Variants in PCLO observed in about 807,000 individuals in gnomAD.
PCLO encodes protein piccolo.
In PCLO, 82 loss-of-function variants were observed where a neutral mutation model predicts 427.5. The ratio of observed to expected loss-of-function variants is 0.19; its 90% CI spans 0.16 to 0.23. The LOEUF (loss-of-function observed/expected upper bound fraction) is 0.23. Ranked by LOEUF, PCLO falls within the 10% of genes least tolerant of loss-of-function variation. PCLO has a pLI of 1.00. For synonymous variants in PCLO, 2,357 were observed against 2,155.4 expected (o/e 1.09, Z -2.59); for missense variants, 6,239 against 6,115.9 (o/e 1.02, Z -0.67).
intron 3 of PCLO, among the ~76,000 whole-genome samples, chr7:83,051,768 A>G (rs753709141): frequency 6.6e-6 from 1 of 152,154 alleles, no homozygotes; most frequent in Non-Finnish European, 1.5e-5. Flanking sequence ...GAAGAAGAAG[A>G]AAGTTGAAGG....
At position 82,950,708 on chromosome 7, in the gene PCLO, C is replaced by G; in HGVS notation, c.9880G>C (p.Glu3294Gln). 1 of 1,613,832 alleles carries G rather than the reference C, an allele frequency of 6.2e-7. No homozygotes were observed. The highest frequency in any genetic ancestry group is 8.5e-7 in the Non-Finnish European group (1 of 1,179,844). ...TGTTGTTGCAGCTGTTGGATCTGCTCAAGCTGTAACTGTTGCTGAGCTAAC... is the reference window on the plus strand; with the variant it reads ...TGTTGTTGCAGCTGTTGGATCTGCTGAAGCTGTAACTGTTGCTGAGCTAAC... ...ETLAQQQLQL[E>Q]QIQQLQQQLH... The change falls in exon 6 of 25, where the codon GAG becomes CAG. Residue 3294 changes from glutamate (E) to glutamine (Q), a missense_variant. Physicochemically the swap from Glu to Gln is conservative, Grantham distance 29. Around this residue, in one of 5 missense-constraint regions of PCLO, gnomAD observed 4,677 missense variants for 4,468.4 expected, o/e 1.05. Transcript: ENST00000333891.
chr7:83,125,767 T>C (rs1167333004), intron 3 of PCLO, among the ~76,000 whole-genome samples: 13 of 152,152 alleles, frequency 8.5e-5, no homozygotes, highest in African/African-American at 3.1e-4. Flanking sequence ...CAGGGTCCTC[T>C]GCCTAGGAAA....
At chr7:82,793,277 G>T (rs1393587865) in intron 22 of PCLO, among the ~76,000 whole-genome samples, 3 of 152,112 alleles carry the variant, frequency 2.0e-5, no homozygotes. Flanking sequence ...CCCTGGCTTT[G>T]ACCTTCCCAC....
At chr7:82,890,304 T>C (rs1240753993) in intron 9 of PCLO, among the ~76,000 whole-genome samples, 2 of 152,032 alleles carry the variant, frequency 1.3e-5, no homozygotes, top group African/African-American at 4.8e-5. Flanking sequence ...TACACGTAAA[T>C]ATATGTACAC....
chr7:82,836,270 C>T (rs1167778684), intron 15 of PCLO, among the ~76,000 whole-genome samples: 1 of 152,130 alleles, frequency 6.6e-6, no homozygotes, highest in African/African-American at 2.4e-5. Flanking sequence ...GCTTTATTTT[C>T]ATTCTTTCAT....
At chr7:82,778,299 A>G (rs967545705) in intron 22 of PCLO, among the ~76,000 whole-genome samples, 2 of 152,100 alleles carry the variant, frequency 1.3e-5, no homozygotes, top group Non-Finnish European at 2.9e-5. Context: ...AAAAGAGAAC[A>G]CTTGTATGCT....
At chr7:83,024,516 G>T (rs1220998124) in intron 3 of PCLO, among the ~76,000 whole-genome samples, 1 of 152,178 alleles carries the variant, frequency 6.6e-6, no homozygotes, top group Non-Finnish European at 1.5e-5. Flanking sequence ...CAATGCAGCA[G>T]CCAGGCTGGG....
chr7:83,038,314 T>C (rs1225414077), intron 3 of PCLO, among the ~76,000 whole-genome samples: 1 of 150,774 alleles, frequency 6.6e-6, no homozygotes, highest in Admixed American at 6.7e-5. Flanking sequence ...CTGTCAACTT[T>C]AGAATTATTT....
At chr7:82,788,600 A>C (rs1258502804) in intron 22 of PCLO, among the ~76,000 whole-genome samples, 1 of 152,070 alleles carries the variant, frequency 6.6e-6, no homozygotes, top group Non-Finnish European at 1.5e-5. Flanking sequence ...AGATGCATAA[A>C]ATAAAAAGTA....
chr7:83,054,471 G>A (rs538534065), intron 3 of PCLO, among the ~76,000 whole-genome samples: 60 of 152,028 alleles, frequency 3.9e-4, no homozygotes, highest in African/African-American at 9.2e-4. Context: ...GAATATTTGC[G>A]TAATTAATAG....
intron 1 of PCLO, among the ~76,000 whole-genome samples, chr7:83,162,002 C>T (rs1792450271): frequency 2.0e-5 from 3 of 152,322 alleles, no homozygotes; most frequent in African/African-American, 2.4e-5. Context: ...TTTCCTAACA[C>T]GTCCGTGTTG....
intron 3 of PCLO, among the ~76,000 whole-genome samples, chr7:83,098,876 G>T (rs1790662308): frequency 6.6e-6 from 1 of 151,990 alleles, no homozygotes; most frequent in African/African-American, 2.4e-5. Flanking sequence ...AGCTAGACTA[G>T]TTGGCAACTA....
At chr7:82,922,401 G>T (rs910766811) in intron 6 of PCLO, among the ~76,000 whole-genome samples, 2 of 151,974 alleles carry the variant, frequency 1.3e-5, no homozygotes, top group African/African-American at 2.4e-5. Context: ...GAAATACTAT[G>T]CAGCCATAAA....
chr7:82,935,805 T>C (rs1296329313), intron 6 of PCLO, among the ~76,000 whole-genome samples: 1 of 151,650 alleles, frequency 6.6e-6, no homozygotes, highest in Non-Finnish European at 1.5e-5. Flanking sequence ...ATGGCAGAGT[T>C]CAGAACTTCA....
intron 10 of PCLO, among the ~76,000 whole-genome samples, chr7:82,863,402 G>A (rs1793013232): frequency 2.6e-5 from 4 of 151,952 alleles, no homozygotes; most frequent in African/African-American, 4.8e-5. Flanking sequence ...CATAAAAAGT[G>A]CAAATATTCT....
intron 4 of PCLO, 96 bp downstream of exon 4, chr7:82,965,675 C>T: frequency 5.5e-6 from 4 of 732,814 alleles, no homozygotes; most frequent in Non-Finnish European, 4.5e-6. Flanking sequence ...TGAGGAACTT[C>T]ACTTATATAA....
intron 22 of PCLO, among the ~76,000 whole-genome samples, chr7:82,782,885 T>C (rs1790903615): frequency 6.6e-6 from 1 of 152,216 alleles, no homozygotes; most frequent in African/African-American, 2.4e-5. Context: ...CTCAAGAACA[T>C]CTACTCCCAA....
chr7:83,015,984 T>TA lies in PCLO; in HGVS notation c.3301-49498dup, dbSNP rs57001012. 4.4e-3 allele frequency among the ~76,000 whole-genome samples: 670 copies of TA among 151,762 alleles called. 5 individuals carry two copies. Among genetic ancestry groups the TA allele is most frequent in the Non-Finnish European group, 7.5e-3 (507 of 67,912 alleles). On this transcript the variant is annotated intron_variant, in intron 3 of 24. Coordinates refer to ENST00000333891, the MANE Select transcript of PCLO (RefSeq NM_033026.6). ...TCACAGATTCTTGTGTCTATTTCCT[T>TA]AAAAAAAAATGCAAAAATTGGCAGC...
In PCLO at chr7:83,155,067, C is replaced by G; in HGVS notation, c.1574G>C (p.Gly525Ala). Residue 525 changes from glycine to alanine, a missense_variant, in exon 2 of 25, where the codon GGC (glycine) becomes GCC (alanine). Gly to Ala is a moderately conservative substitution (Grantham distance 60, BLOSUM62 0). Coordinates refer to ENST00000333891, the MANE Select transcript of PCLO (RefSeq NM_033026.6). ...GPAKPSPQQP[G>A]STKPPSQQPG... is the part of the protein sequence containing the mutation. ...CTGTTGAGATGGGGGTTTTGTTGAG[C>G]CAGGCTGTTGAGGTGAGGGCTTTGC... The G allele has an allele frequency of 6.2e-7, 1 of 1,608,132 alleles. No individual in the cohort carries two copies. The highest frequency in any genetic ancestry group is 8.5e-7 in the Non-Finnish European group (1 of 1,178,350).
Sources: gnomAD v4.1 joint callset for allele counts (sites outside exome capture counted in the v4.1 genomes callset) on GRCh38, gnomAD v4.1.1 for gene constraint, gnomAD v4.1.1 regional missense constraint, MANE v1.5 for transcripts, NCBI Gene and HGNC (gene_info 2026-07-23, HGNC 2026-07-21) for gene names.